Variants in GTF3C4 observed in about 807,000 individuals in gnomAD.
The protein encoded by GTF3C4 is general transcription factor 3C polypeptide 4.
In GTF3C4, 28 loss-of-function variants were observed where a neutral mutation model predicts 67.5. The observed-to-expected ratio is 0.41, with a 90% CI of 0.31 to 0.57. The LOEUF is 0.57. Among genes scored for constraint, GTF3C4 ranks in the 20% least tolerant of loss-of-function variants. The pLI is 0.21. For synonymous variants in GTF3C4, 409 were observed against 393.0 expected, an observed-to-expected ratio of 1.04 and a Z score of -0.48; for missense variants, 831 against 1,033.2, an observed-to-expected ratio of 0.80 and a Z score of 2.68.
chr9:132,670,436 C>T, upstream of GTF3C4: 2 of 970,586 alleles, frequency 2.1e-6, no homozygotes, highest in Non-Finnish European at 2.8e-6. Context: ...CTGGTAGGGC[C>T]GCGTTGCCTG....
chr9:132,682,983 C>G (rs1262413180), intron 2 of GTF3C4, among the ~76,000 whole-genome samples: 2 of 152,140 alleles, frequency 1.3e-5, no homozygotes, highest in Admixed American at 1.3e-4. Flanking sequence ...CTCTCTCACT[C>G]CCAGCTTCTT....
chr9:132,685,209 CG>C (rs1836006835), intron 3 of GTF3C4, among the ~76,000 whole-genome samples: 1 of 151,464 alleles, frequency 6.6e-6, no homozygotes, highest in Non-Finnish European at 1.5e-5. Context: ...TTGGTAGAGA[CG>C]GGGTTTCACC....
chr9:132,686,745 C>G (rs1836035221), intron 3 of GTF3C4, among the ~76,000 whole-genome samples: 2 of 152,134 alleles, frequency 1.3e-5, no homozygotes, highest in Admixed American at 1.3e-4. Context: ...CTAATCTTAA[C>G]TATTAGAAAG....
In GTF3C4 at chr9:132,693,657, A is replaced by T. The variant is rs562570542; in HGVS notation, c.*4712A>T. ...AAATCCTGTTACTTTCATTAAAAAA[A>T]AAAATCCTGTAAAATGGTCAAATTG... On this transcript the variant is annotated 3_prime_UTR_variant, in exon 5 of 5. Coordinates refer to ENST00000372146, the MANE Select transcript of GTF3C4 (RefSeq NM_012204.4). The T allele has an allele frequency of 6.6e-6, 1 of 152,224 alleles. No individual in the cohort carries two copies. The highest frequency in any genetic ancestry group is 1.5e-5 in the Non-Finnish European group (1 of 68,042). The allele number at this position is 152,224 out of a possible 1,614,324, so 9.4% of individuals were successfully genotyped here. A position where few individuals can be genotyped will look rare whatever the true frequency, so the allele number is the denominator to read the frequency against.
rs1224145377 is a variant in GTF3C4 at position 132,670,795 on chromosome 9, G to A, written c.197G>A (p.Gly66Asp). The change falls in exon 1 of 5, where the codon GGC becomes GAC. Residue 66 changes from glycine (G) to aspartate (D), a missense_variant. Physicochemically the swap from Gly to Asp is moderately conservative, Grantham distance 94 (BLOSUM62 -1). Transcript: ENST00000372146. ...PAVKLQYAVS[G>D]LEPLAWSEDH... ...GTGAAGCTGCAGTATGCGGTGAGCG[G>A]CCTGGAACCGCTGGCTTGGTCCGAG... 6.3e-7 allele frequency: 1 copy of A among 1,597,512 alleles called. No homozygotes were observed. Among genetic ancestry groups the A allele is most frequent in the East Asian group, 2.3e-5 (1 of 44,234 alleles).
upstream of GTF3C4, chr9:132,670,390 G>A (rs1417167509): frequency 2.6e-6 from 3 of 1,164,122 alleles, no homozygotes; most frequent in Admixed American, 3.7e-5. Flanking sequence ...CTCCCCGCTC[G>A]CTGTCCTTTT....
At position 132,678,504 on chromosome 9, in the gene GTF3C4, A is replaced by G. The variant is rs747516011; in HGVS notation, c.885A>G (p.Val295=). 3.1e-6 allele frequency: 5 copies of G among 1,614,216 alleles called. No homozygotes were observed. The South Asian group carries it at 5.5e-5, about 18-fold the overall frequency. The change falls in exon 2 of 5, where the codon GTA becomes GTG. Residue 295 remains valine, a synonymous_variant. Transcript: ENST00000372146. This position sits in a 1 kb window ranked among gnomAD's most constrained non-coding sequence, Gnocchi z 6.5. ...TGTGGCAGTTTCAGCTGCCGTTTGT[A>G]GGAAAAGAATCCATCTCTTCATGCA... ...IAVWQFQLPF[V]GKESISSCNT...
In GTF3C4 at chr9:132,683,613, G is replaced by A. The variant is rs769095302; in HGVS notation, c.2235G>A (p.Glu745=). The A allele has an allele frequency of 1.9e-5, 30 of 1,613,184 alleles. No individual in the cohort carries two copies. Among genetic ancestry groups the A allele is most frequent in the Non-Finnish European group, 2.3e-5 (27 of 1,179,632 alleles). The change falls in exon 3 of 5, where the codon GAG becomes GAA. Residue 745 remains glutamate, a synonymous_variant. Coordinates refer to ENST00000372146, the MANE Select transcript of GTF3C4 (RefSeq NM_012204.4). Reference sequence around the variant, plus strand: ...AGATGAACAAACAGACTTTCCCTGAGCACTGTAGTTTGTGTAAAGAGATCT... The same window carrying A: ...AGATGAACAAACAGACTTTCCCTGAACACTGTAGTTTGTGTAAAGAGATCT... ...SKKMNKQTFP[E]HCSLCKEILP...
chr9:132,684,538 C>T (rs1388262449), intron 3 of GTF3C4, among the ~76,000 whole-genome samples: 12 of 152,218 alleles, frequency 7.9e-5, no homozygotes, highest in Admixed American at 7.9e-4. Context: ...AAAACCCTCT[C>T]AGTGATCCAC....
At chr9:132,680,305 T>C (rs1301647290) in intron 2 of GTF3C4, among the ~76,000 whole-genome samples, 1 of 152,214 alleles carries the variant, frequency 6.6e-6, no homozygotes, top group Admixed American at 6.5e-5. Flanking sequence ...ACAGTCTTTA[T>C]TTTGGTAACA....
chr9:132,670,901 C>T lies in GTF3C4; in HGVS notation c.303C>T (p.Asp101=). 4 of 1,612,614 alleles carry T rather than the reference C, an allele frequency of 2.5e-6. No homozygotes were observed. Among genetic ancestry groups the T allele is most frequent in the East Asian group, 2.2e-5 (1 of 44,860 alleles). The stretch of plus-strand genomic sequence containing the variant: ...GCGACGTGCACAACCCGGGCCAGGA[C>T]CTGGTTATCCACCGCACCTCGGTGC... ...LICDVHNPGQ[D]LVIHRTSVPA... is the part of the protein sequence containing the mutation. Residue 101 remains aspartate (D), a synonymous_variant, in exon 1 of 5, where the codon GAC becomes GAT. Coordinates refer to ENST00000372146, the MANE Select transcript of GTF3C4 (RefSeq NM_012204.4).
At chr9:132,684,234 A>T (rs1180173390) in intron 3 of GTF3C4, among the ~76,000 whole-genome samples, 2 of 152,154 alleles carry the variant, frequency 1.3e-5, no homozygotes, top group African/African-American at 4.8e-5. Flanking sequence ...ATTTAAACAT[A>T]GAGTTTTTGC....
Position 132,679,647 on chromosome 9 carries a change from C to T in GTF3C4, c.2028C>T (p.Ile676=). ...EEKLLEIQGK[I]EAVEMHLTRE... is the part of the protein sequence containing the mutation. ...AACTCCTGGAAATCCAAGGGAAAAT[C>T]GAAGCTGTGGAGATGCACTTGACCA... Residue 676 remains isoleucine, a synonymous_variant, in exon 2 of 5, where the codon ATC becomes ATT. Transcript: ENST00000372146. This position sits in a 1 kb window ranked among gnomAD's most constrained non-coding sequence, Gnocchi z 5.9. 1 of 1,614,104 alleles carries T rather than the reference C, an allele frequency of 6.2e-7. No individual in the cohort carries two copies. Among genetic ancestry groups the T allele is most frequent in the Non-Finnish European group, 8.5e-7 (1 of 1,180,020 alleles).
At position 132,670,752 on chromosome 9, in the gene GTF3C4, A is replaced by G; in HGVS notation, c.154A>G (p.Thr52Ala). 2 of 1,556,918 alleles carry G rather than the reference A, an allele frequency of 1.3e-6. No individual in the cohort carries two copies. The highest frequency in any genetic ancestry group is 1.9e-4 in the Middle Eastern group (1 of 5,340). Residue 52 changes from threonine (T) to alanine (A), a missense_variant, in exon 1 of 5, where the codon ACT becomes GCT. Coordinates refer to ENST00000372146, the MANE Select transcript of GTF3C4 (RefSeq NM_012204.4). ...CAGCGCTGCATTCCGCCTCATGGTGACTCGGCGGGAGCCGGCCGTGAAGCT... is the reference window on the plus strand; with the variant it reads ...CAGCGCTGCATTCCGCCTCATGGTGGCTCGGCGGGAGCCGGCCGTGAAGCT... ...GPSAAFRLMV[T>A]RREPAVKLQY...
In GTF3C4 at chr9:132,678,635, C is replaced by G. The variant is rs1232207652; in HGVS notation, c.1016C>G (p.Pro339Arg). ...CTTATTGTGGGGAGTGCTTTTGGAC[C>G]CATAAAAATTCTTCCTGTCAATCTC... ...SGLIVGSAFG[P>R]IKILPVNLKA... The change falls in exon 2 of 5, where the codon CCC (proline) becomes CGC (arginine). Residue 339 changes from proline (P) to arginine (R), a missense_variant. This residue lies in a region of GTF3C4 where 390 missense variants were observed against 540.3 expected (regional missense o/e 0.72). Transcript: ENST00000372146. The surrounding 1 kb of genome is among the most constrained non-coding windows in gnomAD (Gnocchi z 6.5). 3.1e-6 allele frequency: 5 copies of G among 1,613,738 alleles called. No homozygotes were observed. The highest frequency in any genetic ancestry group is 4.2e-6 in the Non-Finnish European group (5 of 1,179,912).
At chr9:132,683,134 C>T (rs1336499484) in intron 2 of GTF3C4, among the ~76,000 whole-genome samples, 1 of 152,220 alleles carries the variant, frequency 6.6e-6, no homozygotes, top group African/African-American at 2.4e-5. Context: ...CAGTATTCCA[C>T]ATAATATTTT....
chr9:132,677,541 G>T lies in GTF3C4; in HGVS notation c.358-436G>T, dbSNP rs115384633. 4.9e-3 allele frequency among the ~76,000 whole-genome samples: 741 copies of T among 152,320 alleles called. 6 individuals are homozygous for T. Among genetic ancestry groups the T allele is most frequent in the African/African-American group, 0.017 (704 of 41,566 alleles). On this transcript the variant is annotated intron_variant, in intron 1 of 4. Transcript: ENST00000372146. ...GGGAGAAGAACTAGGCAAGGGAGCC[G>T]GGGAAAGCTGAGGTGGGAATGTTCA...
At position 132,670,667 on chromosome 9, in the gene GTF3C4, G is replaced by A; in HGVS notation, c.69G>A (p.Glu23=). 6.6e-7 allele frequency: 1 copy of A among 1,504,722 alleles called. No homozygotes were observed. The highest frequency in any genetic ancestry group is 2.5e-5 in the East Asian group (1 of 40,094). The allele number at this position is 1,504,722 out of a possible 1,614,324, so 93.2% of individuals were successfully genotyped here. A position where few individuals can be genotyped will look rare whatever the true frequency, so the allele number is the denominator to read the frequency against. ...GGCCTGCGCCGTCTGGGGAGGAGGA[G>A]GGAGAGGGGGGCGGCGAGGCGGGCG... ...DDGPAPSGEE[E]GEGGGEAGGK... Residue 23 remains glutamate (E), a synonymous_variant, in exon 1 of 5, where the codon GAG becomes GAA. Transcript: ENST00000372146.
At chr9:132,687,090 G>A in intron 3 of GTF3C4, 149 bp from the exon 4 acceptor site, 2 of 701,492 alleles carry the variant, frequency 2.9e-6, no homozygotes, top group Non-Finnish European at 5.3e-6. Flanking sequence ...TGCACAGGGG[G>A]ATGCATTGTT....
Sources: gnomAD v4.1 joint callset for allele counts (sites outside exome capture counted in the v4.1 genomes callset) on GRCh38, gnomAD v4.1.1 for gene constraint, gnomAD v4.1.1 regional missense constraint, Gnocchi (gnomAD v3.1) non-coding constraint, MANE v1.5 for transcripts, NCBI Gene and HGNC (gene_info 2026-07-23, HGNC 2026-07-21) for gene names.